Variants in KNG1 observed in about 807,000 individuals in gnomAD.
KNG1 encodes kininogen 1, also known as kininogen-1.
KNG1 carries 23 observed loss-of-function variants against 47.8 expected under a neutral mutation model. That is an observed-to-expected ratio of 0.48 (90% CI 0.35 to 0.68). The LOEUF (loss-of-function observed/expected upper bound fraction) is 0.68. KNG1 is among the 30% of genes least tolerant of loss of function. KNG1 has a pLI of 0.01. For synonymous variants in KNG1, 277 were observed against 277.0 expected, an observed-to-expected ratio of 1.00 and a Z score of 0.00; for missense variants, 762 against 790.2, an observed-to-expected ratio of 0.96 and a Z score of 0.43.
rs1425121686 is a variant in KNG1, at chr3:186,718,068, C to T, written c.195+331C>T. 16 of 283,434 alleles carry T rather than the reference C, an allele frequency of 5.6e-5. No individual in the cohort carries two copies. In the African/African-American group the frequency reaches 6.5e-4, roughly 12 times the overall value. The allele number at this position is 283,434 out of a possible 1,614,324, so 17.6% of individuals were successfully genotyped here. A position where few individuals can be genotyped will look rare whatever the true frequency, so the allele number is the denominator to read the frequency against. On this transcript the variant is annotated intron_variant, in intron 1 of 9. Transcript: ENST00000644859. ...TCACCCACCACCATCACCCACCACCCACCACCCACCACCACCAACCACCAC... is the reference window on the plus strand; with the variant it reads ...TCACCCACCACCATCACCCACCACCTACCACCCACCACCACCAACCACCAC...
chr3:186,730,634 C>T (rs865880), intron 5 of KNG1, among the ~76,000 whole-genome samples: 52,301 of 126,920 alleles, frequency 0.41, 10,424 homozygotes, highest in South Asian at 0.51. Flanking sequence ...CCAGCCTTGG[C>T]GACAAAGAGA....
Position 186,727,359 on chromosome 3 carries a change from A to T in KNG1, c.672+15A>T. 1 of 1,449,698 alleles carries T rather than the reference A, an allele frequency of 6.9e-7. No homozygotes were observed. The highest frequency in any genetic ancestry group is 9.7e-7 in the Non-Finnish European group (1 of 1,030,454). The allele number at this position is 1,449,698 out of a possible 1,614,324, so 89.8% of individuals were successfully genotyped here. On this transcript the variant is annotated intron_variant, in intron 5 of 9. Coordinates refer to ENST00000644859, the MANE Select transcript of KNG1 (RefSeq NM_001102416.3). ...TTTGGAATGGTGTAAGTAGGCAAAA[A>T]TTTAATGATAAAGTTCTTAGCATTT... is the stretch of plus-strand genomic sequence containing the variant.
chr3:186,741,445 C>T, intron 9 of KNG1, 77 bp from the exon 10 acceptor site: 1 of 1,342,032 alleles, frequency 7.5e-7, no homozygotes, highest in South Asian at 1.3e-5. Flanking sequence ...ATAACATTGC[C>T]AGATCTCAGT....
At chr3:186,725,981 G>A (rs1347820903) in intron 4 of KNG1, among the ~76,000 whole-genome samples, 2 of 148,896 alleles carry the variant, frequency 1.3e-5, no homozygotes, top group Non-Finnish European at 3.0e-5. Context: ...TGCCTAGGCT[G>A]GAGCAGTGGC....
At chr3:186,724,483 T>C (rs1157895285) in intron 3 of KNG1, among the ~76,000 whole-genome samples, 1 of 152,200 alleles carries the variant, frequency 6.6e-6, no homozygotes, top group Admixed American at 6.5e-5. Context: ...ATGGTTTTGA[T>C]TTGCATTTCC....
rs571275452 is a variant in KNG1, at chr3:186,730,757, CAT to C, written c.673-778_673-777del. On this transcript the variant is annotated intron_variant, in intron 5 of 9. Coordinates refer to ENST00000644859, the MANE Select transcript of KNG1 (RefSeq NM_001102416.3). ...ATATATATACACATATATATATACACATATATATATACACACACACAAATACA... is the reference window on the plus strand; with the variant it reads ...ATATATATACACATATATATATACACATATATATACACACACACAAATACA... 1.4e-4 allele frequency among the ~76,000 whole-genome samples: 19 copies of C among 135,150 alleles called. 1 individual carries two copies. The South Asian group carries it at 2.3e-3, about 16-fold the overall frequency. 88.7% of individuals were successfully genotyped at this position (135,150 alleles called of 152,430 possible). A position where few individuals can be genotyped will look rare whatever the true frequency, so the allele number is the denominator to read the frequency against.
At chr3:186,722,290 A>T (rs1720224985) in intron 2 of KNG1, 147 bp from the exon 3 acceptor site, 6 of 664,536 alleles carry the variant, frequency 9.0e-6, no homozygotes, top group Non-Finnish European at 1.6e-5. Flanking sequence ...AAAAAAATTT[A>T]TTCTCATGTC....
Position 186,725,663 on chromosome 3 carries a change from G to A in KNG1, c.564+403G>A, listed in dbSNP as rs1211468. On this transcript the variant is annotated intron_variant, in intron 4 of 9. Coordinates refer to ENST00000644859, the MANE Select transcript of KNG1 (RefSeq NM_001102416.3). ...GGGTTCAGGCCATTCTCCTGCCTCA[G>A]CCTCCTGAGTAGCTGGGACTACAGG... Among the ~76,000 whole-genome samples the A allele has an allele frequency of 3.8e-4, 57 of 149,036 alleles. 1 individual carries two copies. The highest frequency in any genetic ancestry group is 6.8e-3 in the Middle Eastern group (2 of 292).
intron 7 of KNG1, among the ~76,000 whole-genome samples, chr3:186,735,571 T>C (rs921146595): frequency 2.6e-5 from 4 of 151,612 alleles, no homozygotes; most frequent in Admixed American, 1.3e-4. Flanking sequence ...TGAGCAAAGA[T>C]CATGCCATTG....
intron 5 of KNG1, chr3:186,729,038 GA>G (rs1044247754): frequency 3.0e-4 from 45 of 151,962 alleles, no homozygotes; most frequent in African/African-American, 1.0e-3. Context: ...TATAATTGGA[GA>G]AAAAAGTAAA....
At chr3:186,732,360 A>G in intron 6 of KNG1, 142 bp from the exon 7 acceptor site, 1 of 736,968 alleles carries the variant, frequency 1.4e-6, no homozygotes, top group Non-Finnish European at 2.4e-6. Context: ...AAAGTCAGAC[A>G]GACAACCTTC....
chr3:186,732,795 C>A, intron 7 of KNG1, 121 bp downstream of exon 7: 1 of 825,960 alleles, frequency 1.2e-6, no homozygotes, highest in Non-Finnish European at 2.1e-6. Context: ...TGATTTGGTG[C>A]ATTAGATTTG....
rs189622563 is a variant in KNG1, at chr3:186,741,106, G to C, written c.1126-416G>C. Among the ~76,000 whole-genome samples, 44 of 152,028 alleles carry C rather than the reference G, an allele frequency of 2.9e-4. No homozygotes were observed. In the East Asian group the frequency reaches 5.2e-3, roughly 18 times the overall value. On this transcript the variant is annotated intron_variant, in intron 9 of 9. Transcript: ENST00000644859. ...CGTCCTGGGTTCAAGCAATTCTCCT[G>C]CCTCAGCCTCCTGAGTAGCTGGGAT...
intron 2 of KNG1, 169 bp downstream of exon 2, chr3:186,720,384 C>T (rs1048180506): frequency 6.3e-6 from 4 of 630,160 alleles, no homozygotes; most frequent in Non-Finnish European, 1.1e-5. Context: ...CTTGTATAGA[C>T]AGAAAAATCA....
In KNG1 at chr3:186,737,773, C is replaced by T. The variant is rs147977569; in HGVS notation, c.931-1326C>T. Reference sequence around the variant, plus strand: ...GGGATTCATTATATGTTAGCCAGGACGGTCTCGAACCCCTGACCTCAGGTG... The same window carrying T: ...GGGATTCATTATATGTTAGCCAGGATGGTCTCGAACCCCTGACCTCAGGTG... On this transcript the variant is annotated intron_variant, in intron 7 of 9. Transcript: ENST00000644859. Among the ~76,000 whole-genome samples the T allele has an allele frequency of 2.2e-3, 339 of 152,070 alleles. 1 individual carries two copies. Among genetic ancestry groups the T allele is most frequent in the African/African-American group, 7.7e-3 (318 of 41,460 alleles).
In KNG1 at chr3:186,744,115, G is replaced by A; in HGVS notation, c.*1784G>A. ...GCGGGACTTCCTTACCACCACGGGT[G>A]CTAAAAGAAGAGTTAGTAGGTCATG... On this transcript the variant is annotated 3_prime_UTR_variant, in exon 10 of 10. Transcript: ENST00000644859. 2.7e-6 allele frequency: 1 copy of A among 370,002 alleles called. No individual in the cohort carries two copies. The highest frequency in any genetic ancestry group is 2.9e-5 in the South Asian group (1 of 34,598). The allele number at this position is 370,002 out of a possible 1,614,324, so 22.9% of individuals were successfully genotyped here. A position where few individuals can be genotyped will look rare whatever the true frequency, so the allele number is the denominator to read the frequency against.
rs189148914 is a variant in KNG1, at chr3:186,732,789, T to C, written c.930+115T>C. The C allele has an allele frequency of 1.4e-3, 1,220 of 850,250 alleles. 5 individuals are homozygous for C. The highest frequency in any genetic ancestry group is 1.0e-3 in the Non-Finnish European group (511 of 492,330). 52.7% of individuals were successfully genotyped at this position (850,250 alleles called of 1,614,324 possible). On this transcript the variant is annotated intron_variant, in intron 7 of 9. Transcript: ENST00000644859. ...GAAACCATACATTTGATAATGTGATTTGGTGCATTAGATTTGGTAAATTAA... is the reference window on the plus strand; with the variant it reads ...GAAACCATACATTTGATAATGTGATCTGGTGCATTAGATTTGGTAAATTAA...
chr3:186,732,973 C>T (rs967797564), intron 7 of KNG1, among the ~76,000 whole-genome samples: 10 of 152,234 alleles, frequency 6.6e-5, no homozygotes, highest in Non-Finnish European at 8.8e-5. Flanking sequence ...AGCAGCTGGG[C>T]GCGGTGGCTC....
At chr3:186,717,814 A>ACT (rs1720029155) in intron 1 of KNG1, 77 bp downstream of exon 1, 1 of 1,006,396 alleles carries the variant, frequency 9.9e-7, no homozygotes, top group Non-Finnish European at 1.6e-6. Flanking sequence ...ACACACACAC[A>ACT]CACATACCAC....
Sources: gnomAD v4.1 joint callset for allele counts (sites outside exome capture counted in the v4.1 genomes callset) on GRCh38, gnomAD v4.1.1 for gene constraint, MANE v1.5 for transcripts, NCBI Gene and HGNC (gene_info 2026-07-23, HGNC 2026-07-21) for gene names.